Variants in AGAP2 observed in about 807,000 individuals in gnomAD.
The protein encoded by AGAP2 is ArfGAP with GTPase domain, ankyrin repeat and PH domain 2, also known as arf-GAP with GTPase, ANK repeat and PH domain-containing protein 2.
AGAP2 carries 32 observed loss-of-function variants against 110.9 expected under a neutral mutation model. That is an observed-to-expected ratio of 0.29 (90% CI 0.22 to 0.39). The LOEUF (loss-of-function observed/expected upper bound fraction) is 0.39. Ranked by LOEUF, AGAP2 falls within the 10% of genes least tolerant of loss-of-function variation. The pLI, the probability that AGAP2 is intolerant of heterozygous loss-of-function variation, is 1.00. For synonymous variants in AGAP2, 702 were observed against 713.0 expected (o/e 0.98, Z 0.25); for missense variants, 1,285 against 1,638.5 (o/e 0.78, Z 3.72).
intron 12 of AGAP2, 116 bp downstream of exon 12, chr12:57,730,379 T>G: frequency 7.4e-7 from 1 of 1,360,112 alleles, no homozygotes; most frequent in Non-Finnish European, 1.0e-6. Flanking sequence ...TGTGTGGGGC[T>G]CCATGTGTTC....
intron 12 of AGAP2, 43 bp from the exon 13 acceptor site, chr12:57,729,810 G>A: frequency 6.4e-7 from 1 of 1,555,832 alleles, no homozygotes; most frequent in Non-Finnish European, 8.7e-7. Context: ...CCCCTCCACA[G>A]ATTTCCTGAT....
At position 57,734,144 on chromosome 12, in the gene AGAP2, G is replaced by C. The variant is rs868244266; in HGVS notation, c.1431C>G (p.Phe477Leu). The C allele has an allele frequency of 6.2e-7, 1 of 1,612,456 alleles. No homozygotes were observed. The highest frequency in any genetic ancestry group is 8.5e-7 in the Non-Finnish European group (1 of 1,179,106). The change falls in exon 5 of 19, where the codon TTC (phenylalanine) becomes TTG (leucine). Residue 477 changes from phenylalanine to leucine, a missense_variant. Phe to Leu is a conservative substitution (Grantham distance 22, BLOSUM62 0). Coordinates refer to ENST00000547588, the MANE Select transcript of AGAP2 (RefSeq NM_001122772.3). ...TGTTCTCATCCTCCAGGCTGAAGAC[G>C]AAGATCACAGCATCTGCCCAGCCTG... ...KFSGWADAVI[F>L]VFSLEDENSF... is the part of the protein sequence containing the mutation.
In AGAP2 at chr12:57,728,299, C is replaced by T. The variant is rs1178240183; in HGVS notation, c.2617+19G>A. 4 of 1,613,346 alleles carry T rather than the reference C, an allele frequency of 2.5e-6. No individual in the cohort carries two copies. The highest frequency in any genetic ancestry group is 3.4e-6 in the Non-Finnish European group (4 of 1,179,592). On this transcript the variant is annotated intron_variant, in intron 14 of 18. Transcript: ENST00000547588. ...TCTGCACCCCAGCTGAGCGCCCCTC[C>T]CGGCTCCCCACTTGTTACCTGCTTT... is the stretch of plus-strand genomic sequence containing the variant.
downstream of AGAP2, chr12:57,724,800 G>A (rs537889996): frequency 6.6e-6 from 1 of 152,200 alleles, no homozygotes; most frequent in Non-Finnish European, 1.5e-5. Flanking sequence ...TGCCACCAAG[G>A]TCCCCTAGCT....
rs1555198771 is a variant in AGAP2 at position 57,731,576 on chromosome 12, G to C, written c.2020C>G (p.Arg674Gly). Residue 674 changes from arginine (R) to glycine (G), a missense_variant, in exon 9 of 19, where the codon CGA becomes GGA. Coordinates refer to ENST00000547588, the MANE Select transcript of AGAP2 (RefSeq NM_001122772.3). ...CTCACCTGTTTGATGGGGATGGCTCGCCCACTCCCTGTTGTCTCTCCCCGA... is the reference window on the plus strand; with the variant it reads ...CTCACCTGTTTGATGGGGATGGCTCCCCCACTCCCTGTTGTCTCTCCCCGA... ...DSRGETTGSG[R>G]AIPIKQSFLL... is the part of the protein sequence containing the mutation. 6.2e-7 allele frequency: 1 copy of C among 1,613,978 alleles called. No individual in the cohort carries two copies. The highest frequency in any genetic ancestry group is 8.5e-7 in the Non-Finnish European group (1 of 1,179,984).
chr12:57,731,097 C>T, intron 10 of AGAP2, 144 bp from the exon 11 acceptor site: 1 of 948,968 alleles, frequency 1.1e-6, no homozygotes, highest in Non-Finnish European at 1.5e-6. Flanking sequence ...GGGGATGGGC[C>T]CATCAGACTT....
At chr12:57,731,067 T>C in intron 10 of AGAP2, 114 bp from the exon 11 acceptor site, 1 of 1,121,704 alleles carries the variant, frequency 8.9e-7, no homozygotes, top group Non-Finnish European at 1.2e-6. Flanking sequence ...GGGGGCCAAA[T>C]GGGTTGTGAT....
At chr12:57,731,677 T>C (rs1046160624) in intron 8 of AGAP2, 35 bp from the exon 9 acceptor site, 4 of 1,612,958 alleles carry the variant, frequency 2.5e-6, no homozygotes, top group Non-Finnish European at 2.5e-6. Flanking sequence ...TGAGGATGGA[T>C]AGAGGGATAC....
rs1954768518 is a variant in AGAP2, at chr12:57,726,640, G to A, written c.3491C>T (p.Thr1164Met). The A allele has an allele frequency of 8.3e-7, 1 of 1,197,718 alleles. No individual in the cohort carries two copies. Among genetic ancestry groups the A allele is most frequent in the Non-Finnish European group, 1.0e-6 (1 of 966,096 alleles). The allele number at this position is 1,197,718 out of a possible 1,614,324, so 74.2% of individuals were successfully genotyped here. ...GCTGGGCGTGGCGGTGATGCTGGGC[G>A]TGGTGGCCGCGCTGGGCGTGGTGGC... Reference protein sequence around the residue: ...SAATTPSAATTPSITATPSPR... With the variant: ...SAATTPSAATMPSITATPSPR... The change falls in exon 19 of 19, where the codon ACG becomes ATG. Residue 1164 changes from threonine to methionine, a missense_variant. Physicochemically the swap from Thr to Met is moderately conservative, Grantham distance 81. Transcript: ENST00000547588. This position sits in a 1 kb window ranked among gnomAD's most constrained non-coding sequence, Gnocchi z 5.7.
intron 2 of AGAP2, among the ~76,000 whole-genome samples, chr12:57,735,106 C>A (rs1018292491): frequency 2.6e-5 from 4 of 151,734 alleles, no homozygotes; most frequent in Non-Finnish European, 5.9e-5. Context: ...AGGGCAGATA[C>A]CAGAAATGAG....
chr12:57,729,905 C>A, intron 12 of AGAP2, 138 bp from the exon 13 acceptor site: 3 of 1,249,152 alleles, frequency 2.4e-6, no homozygotes, highest in Non-Finnish European at 3.3e-6. Context: ...GGAGTTCCCC[C>A]TTGATCATTC....
chr12:57,737,047 C>T lies in AGAP2; in HGVS notation c.1168+32G>A, dbSNP rs1349181104. ...AAGCTGAGCATTCCAGGTACCCTTC[C>T]CTCCCTGTTCTCAAGCCCTGACTCA... On this transcript the variant is annotated intron_variant, in intron 1 of 18. Coordinates refer to ENST00000547588, the MANE Select transcript of AGAP2 (RefSeq NM_001122772.3). The surrounding 1 kb of genome is among the most constrained non-coding windows in gnomAD (Gnocchi z 5.9). The T allele has an allele frequency of 1.4e-6, 2 of 1,472,130 alleles. No individual in the cohort carries two copies. The highest frequency in any genetic ancestry group is 1.4e-5 in the African/African-American group (1 of 70,490). The allele number at this position is 1,472,130 out of a possible 1,614,324, so 91.2% of individuals were successfully genotyped here.
chr12:57,735,472 A>C, intron 1 of AGAP2, 45 bp from the exon 2 acceptor site: 1 of 1,579,844 alleles, frequency 6.3e-7, no homozygotes, highest in Non-Finnish European at 8.7e-7. Context: ...CCTGGCTCAG[A>C]AGGACCCCCA....
intron 6 of AGAP2, 137 bp from the exon 7 acceptor site, chr12:57,732,649 G>T: frequency 1.5e-6 from 2 of 1,292,968 alleles, no homozygotes; most frequent in Non-Finnish European, 1.1e-6. Flanking sequence ...GCCACCTGTG[G>T]CCTTGCCAGC....
chr12:57,726,540 C>T lies in AGAP2; in HGVS notation c.*12G>A. ...CCCGCGTGGGGATGGGGGTGTCTCTCCCGCTGGGCAACTATACCAGCGCAA... is the reference window on the plus strand; with the variant it reads ...CCCGCGTGGGGATGGGGGTGTCTCTTCCGCTGGGCAACTATACCAGCGCAA... On this transcript the variant is annotated 3_prime_UTR_variant, in exon 19 of 19. Coordinates refer to ENST00000547588, the MANE Select transcript of AGAP2 (RefSeq NM_001122772.3). This position sits in a 1 kb window ranked among gnomAD's most constrained non-coding sequence, Gnocchi z 5.7. 1.6e-6 allele frequency: 2 copies of T among 1,214,210 alleles called. No individual in the cohort carries two copies. Among genetic ancestry groups the T allele is most frequent in the Non-Finnish European group, 1.0e-6 (1 of 975,104 alleles). The allele number at this position is 1,214,210 out of a possible 1,614,324, so 75.2% of individuals were successfully genotyped here.
chr12:57,726,746 A>G lies in AGAP2; in HGVS notation c.3385T>C (p.Phe1129Leu). The part of the protein sequence containing the change: ...ARDAQGRTAL[F>L]YARQAGSQLC... ...TGGCTTCCAGCCTGGCGGGCGTAGAACAGCGCCGTGCGGCCCTGGGCGTCA... is the reference window on the plus strand; with the variant it reads ...TGGCTTCCAGCCTGGCGGGCGTAGAGCAGCGCCGTGCGGCCCTGGGCGTCA... Residue 1129 changes from phenylalanine (F) to leucine (L), a missense_variant, in exon 19 of 19, where the codon TTC (phenylalanine) becomes CTC (leucine). Around this residue, in one of 7 missense-constraint regions of AGAP2, gnomAD observed 201 missense variants for 276.1 expected, o/e 0.73. Transcript: ENST00000547588. This position sits in a 1 kb window ranked among gnomAD's most constrained non-coding sequence, Gnocchi z 5.7. 2 of 1,317,268 alleles carry G rather than the reference A, an allele frequency of 1.5e-6. No individual in the cohort carries two copies. Among genetic ancestry groups the G allele is most frequent in the Non-Finnish European group, 1.9e-6 (2 of 1,036,256 alleles). The allele number at this position is 1,317,268 out of a possible 1,614,324, so 81.6% of individuals were successfully genotyped here.
intron 12 of AGAP2, chr12:57,730,246 T>C: frequency 1.9e-6 from 1 of 530,324 alleles, no homozygotes; most frequent in Non-Finnish European, 3.3e-6. Flanking sequence ...ATGAGGAAAC[T>C]GAGGCACGGA....
chr12:57,734,238 T>G lies in AGAP2; in HGVS notation c.1402-65A>C, dbSNP rs1954938242. 4 of 1,611,200 alleles carry G rather than the reference T, an allele frequency of 2.5e-6. No individual in the cohort carries two copies. The African/African-American group carries it at 4.0e-5, about 16-fold the overall frequency. The stretch of plus-strand genomic sequence containing the variant: ...TCTACTCCTCTGGACCCAATCCAGA[T>G]GAAGACCTGGGAAACCAGAGCCCTC... On this transcript the variant is annotated intron_variant, in intron 4 of 18. Coordinates refer to ENST00000547588, the MANE Select transcript of AGAP2 (RefSeq NM_001122772.3).
Position 57,727,176 on chromosome 12 carries a change from G to T in AGAP2, c.3134C>A (p.Ala1045Glu), listed in dbSNP as rs1239530123. 4 of 1,609,906 alleles carry T rather than the reference G, an allele frequency of 2.5e-6. No homozygotes were observed. The highest frequency in any genetic ancestry group is 1.1e-5 in the South Asian group (1 of 90,562). The change falls in exon 18 of 19, where the codon GCG becomes GAG. Residue 1045 changes from alanine to glutamate, a missense_variant. Ala to Glu is a moderately radical substitution (Grantham distance 107). Transcript: ENST00000547588. ...RAKYEQLLFL[A>E]PLSTSEEPLG... is the part of the protein sequence containing the mutation. ...CGGCTCCTCCGAGGTGCTCAGCGGC[G>T]CCAGGAACAGTAGCTGCTCGTACTT...
Sources: gnomAD v4.1 joint callset for allele counts (sites outside exome capture counted in the v4.1 genomes callset) on GRCh38, gnomAD v4.1.1 for gene constraint, gnomAD v4.1.1 regional missense constraint, Gnocchi (gnomAD v3.1) non-coding constraint, MANE v1.5 for transcripts, NCBI Gene and HGNC (gene_info 2026-07-23, HGNC 2026-07-21) for gene names.